The following SLC10A6 variants were observed in gnomAD, a reference collection of about 807,000 sequenced individuals.
The protein encoded by SLC10A6 is solute carrier family 10 member 6.
In SLC10A6, 27 loss-of-function variants were observed where a neutral mutation model predicts 30.0. The observed-to-expected ratio is 0.90, with a 90% CI of 0.66 to 1.24. The LOEUF (loss-of-function observed/expected upper bound fraction) is 1.24, where lower values mean the gene tolerates loss of function less well. SLC10A6 is among the 50% of genes most tolerant of loss of function. The pLI is 0.00. For synonymous variants in SLC10A6, 166 were observed against 173.8 expected, an observed-to-expected ratio of 0.95 and a Z score of 0.36; for missense variants, 439 against 457.0, an observed-to-expected ratio of 0.96 and a Z score of 0.36.
intron 1 of SLC10A6, among the ~76,000 whole-genome samples, chr4:86,840,391 A>AT (rs1158283208): frequency 2.6e-5 from 4 of 152,084 alleles, no homozygotes; most frequent in Admixed American, 2.6e-4. Context: ...AGCATGGTGT[A>AT]TATCTTTGAC....
chr4:86,828,633 T>A (rs1179329276), intron 3 of SLC10A6, among the ~76,000 whole-genome samples: 3 of 152,042 alleles, frequency 2.0e-5, no homozygotes, highest in African/African-American at 7.2e-5. Context: ...AGCTGCCTGC[T>A]GCTTTGATCC....
chr4:86,846,050 C>T (rs1746385745), intron 1 of SLC10A6, among the ~76,000 whole-genome samples: 2 of 152,202 alleles, frequency 1.3e-5, no homozygotes, highest in South Asian at 4.1e-4. Context: ...GTTGTGCTAA[C>T]CGCTCTTGGA....
intron 1 of SLC10A6, 57 bp from the exon 2 acceptor site, chr4:86,833,481 T>C (rs1340147384): frequency 2.0e-5 from 28 of 1,389,396 alleles, no homozygotes; most frequent in Non-Finnish European, 2.9e-5. Context: ...AAGAATTTAG[T>C]CTTTACCAAA....
At position 86,834,078 on chromosome 4, in the gene SLC10A6, C is replaced by A. The variant is rs1578756266; in HGVS notation, c.378-654G>T. On this transcript the variant is annotated intron_variant, in intron 1 of 5. Transcript: ENST00000273905. ...TCTCATGTTGAAATTTGATTCCCAACGTTGGAGGCGGGGGCAAGTGGGAAA... is the reference window on the plus strand; with the variant it reads ...TCTCATGTTGAAATTTGATTCCCAAAGTTGGAGGCGGGGGCAAGTGGGAAA... 1.3e-5 allele frequency among the ~76,000 whole-genome samples: 2 copies of A among 152,164 alleles called. 1 individual carries two copies. The highest frequency in any genetic ancestry group is 4.8e-5 in the African/African-American group (2 of 41,430).
intron 3 of SLC10A6, among the ~76,000 whole-genome samples, chr4:86,830,304 G>A (rs1227516096): frequency 6.6e-6 from 1 of 152,138 alleles, no homozygotes; most frequent in African/African-American, 2.4e-5. Context: ...AGCTTGAGAT[G>A]GGAGCATCAT....
Position 86,825,499 on chromosome 4 carries a change from A to T in SLC10A6, c.840T>A (p.Ala280=), listed in dbSNP as rs1745965336. 1 of 1,613,090 alleles carries T rather than the reference A, an allele frequency of 6.2e-7. No homozygotes were observed. Among genetic ancestry groups the T allele is most frequent in the Admixed American group, 1.7e-5 (1 of 59,998 alleles). Residue 280 remains alanine (A), a synonymous_variant, in exon 5 of 6, where the codon GCT becomes GCA. Transcript: ENST00000273905. ...CITMLQLSFT[A]EHLVQMLSFP... is the part of the protein sequence containing the mutation. ...AACTCAACATCTGGACCAAGTGCTC[A>T]GCAGTGAAAGATAACTGGAGCATGG...
At chr4:86,829,023 AC>A (rs753080805) in intron 3 of SLC10A6, among the ~76,000 whole-genome samples, 43 of 152,162 alleles carry the variant, frequency 2.8e-4, no homozygotes, top group Non-Finnish European at 3.4e-4. Flanking sequence ...AAACAGAATG[AC>A]CCAATATACC....
intron 5 of SLC10A6, among the ~76,000 whole-genome samples, chr4:86,824,575 TA>T (rs1355365919): frequency 4.5e-5 from 6 of 132,814 alleles, no homozygotes; most frequent in Admixed American, 3.7e-4. Flanking sequence ...TGAACATATA[TA>T]TTTTTTTTTT....
At chr4:86,824,894 A>G (rs942313358) in intron 5 of SLC10A6, among the ~76,000 whole-genome samples, 6 of 152,230 alleles carry the variant, frequency 3.9e-5, no homozygotes, top group Non-Finnish European at 8.8e-5. Flanking sequence ...ACTCCAAAGT[A>G]ATGTATATTT....
intron 1 of SLC10A6, among the ~76,000 whole-genome samples, chr4:86,836,283 G>C (rs1031375214): frequency 6.6e-5 from 10 of 152,198 alleles, no homozygotes; most frequent in Non-Finnish European, 2.9e-5. Context: ...CTGTGACAGA[G>C]GGGGAAGAGT....
intron 1 of SLC10A6, among the ~76,000 whole-genome samples, chr4:86,843,741 A>C (rs1746346055): frequency 6.6e-6 from 1 of 152,204 alleles, no homozygotes; most frequent in African/African-American, 2.4e-5. Context: ...GACCCAGGAC[A>C]CGATGTTCTT....
intron 1 of SLC10A6, among the ~76,000 whole-genome samples, chr4:86,846,953 G>GT (rs2149414451): frequency 6.6e-6 from 1 of 152,292 alleles, no homozygotes; most frequent in Non-Finnish European, 1.5e-5. Context: ...GTTCATTGGT[G>GT]TTTTTATGAC....
At chr4:86,841,502 T>G (rs1300413670) in intron 1 of SLC10A6, among the ~76,000 whole-genome samples, 1 of 152,144 alleles carries the variant, frequency 6.6e-6, no homozygotes, top group Admixed American at 6.5e-5. Flanking sequence ...ATAGGAAAAT[T>G]TTTGGCAAAA....
At chr4:86,842,853 T>TCTTTCTTTCTTC (rs1746324484) in intron 1 of SLC10A6, among the ~76,000 whole-genome samples, 1 of 52,248 alleles carries the variant, frequency 1.9e-5, no homozygotes, top group Non-Finnish European at 3.5e-5. Context: ...TTTCTTTCTT[T>TCTTTCTTTCTTC]CTTTCTTTCT....
Position 86,827,062 on chromosome 4 carries a change from A to T in SLC10A6, c.761+931T>A, listed in dbSNP as rs1463914154. ...AGACTTTTGTCAAAAACTCGATATG[A>T]TTAAGCTACAAAGCTGGAACTCACA... On this transcript the variant is annotated intron_variant, in intron 4 of 5. Coordinates refer to ENST00000273905, the MANE Select transcript of SLC10A6 (RefSeq NM_197965.3). Among the ~76,000 whole-genome samples, 6 of 152,204 alleles carry T rather than the reference A, an allele frequency of 3.9e-5. No homozygotes were observed. In the South Asian group the frequency reaches 1.2e-3, roughly 32 times the overall value.
intron 5 of SLC10A6, among the ~76,000 whole-genome samples, chr4:86,824,424 C>G (rs982757308): frequency 6.6e-6 from 1 of 152,014 alleles, no homozygotes; most frequent in Non-Finnish European, 1.5e-5. Context: ...ATTGTTATAT[C>G]TGTAATCAGT....
Position 86,834,491 on chromosome 4 carries a change from A to G in SLC10A6, c.378-1067T>C, listed in dbSNP as rs145755723. On this transcript the variant is annotated intron_variant, in intron 1 of 5. Transcript: ENST00000273905. ...TATGTCCTTATTCTATTAATATAGT[A>G]TATCACATTGATTTTTCTGTATATT... is the stretch of plus-strand genomic sequence containing the variant. Among the ~76,000 whole-genome samples, 359 of 152,354 alleles carry G rather than the reference A, an allele frequency of 2.4e-3. 2 individuals carry two copies. The highest frequency in any genetic ancestry group is 8.3e-3 in the African/African-American group (346 of 41,588).
intron 3 of SLC10A6, 101 bp downstream of exon 3, chr4:86,831,691 G>C (rs1411364496): frequency 1.1e-6 from 1 of 909,316 alleles, no homozygotes; most frequent in African/African-American, 1.7e-5. Context: ...CTGGGTGTGG[G>C]GCCGTACTCA....
chr4:86,838,586 A>T (rs1746237764), intron 1 of SLC10A6, among the ~76,000 whole-genome samples: 1 of 152,172 alleles, frequency 6.6e-6, no homozygotes, highest in Non-Finnish European at 1.5e-5. Flanking sequence ...TTCAAATGGT[A>T]AACAGCCCCA....
Sources: gnomAD v4.1 joint callset for allele counts (sites outside exome capture counted in the v4.1 genomes callset) on GRCh38, gnomAD v4.1.1 for gene constraint, MANE v1.5 for transcripts, NCBI Gene and HGNC (gene_info 2026-07-23, HGNC 2026-07-21) for gene names.